SLC66A1: variants seen among roughly 807,000 people sequenced by gnomAD.
The protein encoded by SLC66A1 is solute carrier family 66 member 1.
In SLC66A1, 23 loss-of-function variants were observed where a neutral mutation model predicts 33.0. The observed-to-expected ratio is 0.70, with a 90% CI of 0.50 to 0.99. The LOEUF (loss-of-function observed/expected upper bound fraction) is 0.99. Among genes scored for constraint, SLC66A1 ranks in the 50% least tolerant of loss-of-function variants. SLC66A1 has a pLI of 0.00. For synonymous variants in SLC66A1, 164 were observed against 175.5 expected, an observed-to-expected ratio of 0.93 and a Z score of 0.52; for missense variants, 335 against 383.6, an observed-to-expected ratio of 0.87 and a Z score of 1.06.
Position 19,328,996 on chromosome 1 carries a change from C to G in SLC66A1, c.*353C>G, listed in dbSNP as rs969486186. On this transcript the variant is annotated 3_prime_UTR_variant, in exon 8 of 8. Transcript: ENST00000375153. The surrounding 1 kb of genome is among the most constrained non-coding windows in gnomAD (Gnocchi z 4.7). ...AACAGGCCGGGTACAGTGGCTCGCA[C>G]CTGTAATCCTAGCACTTTGGGAGGC... 2 of 320,252 alleles carry G rather than the reference C, an allele frequency of 6.2e-6. No individual in the cohort carries two copies. Among genetic ancestry groups the G allele is most frequent in the Non-Finnish European group, 1.2e-5 (2 of 171,420 alleles). The allele number at this position is 320,252 out of a possible 1,614,324, so 19.8% of individuals were successfully genotyped here.
In SLC66A1 at chr1:19,312,655, T is replaced by C. The variant is rs1393797224; in HGVS notation, c.-313T>C. On this transcript the variant is annotated 5_prime_UTR_variant, in exon 1 of 8. Coordinates refer to ENST00000375153, the MANE Select transcript of SLC66A1 (RefSeq NM_001040125.2). ...CCTTGGCATCTGATGGCTTCGTTTTTCCCGGGCCGGCCGGGCGAGGGGCCC... is the reference window on the plus strand; with the variant it reads ...CCTTGGCATCTGATGGCTTCGTTTTCCCCGGGCCGGCCGGGCGAGGGGCCC... 6.6e-6 allele frequency: 1 copy of C among 152,624 alleles called. No individual in the cohort carries two copies. The highest frequency in any genetic ancestry group is 2.4e-5 in the African/African-American group (1 of 41,462). 9.5% of individuals were successfully genotyped at this position (152,624 alleles called of 1,614,324 possible). A position where few individuals can be genotyped will look rare whatever the true frequency, so the allele number is the denominator to read the frequency against.
chr1:19,327,325 C>T lies in SLC66A1; in HGVS notation c.717C>T (p.Pro239=), dbSNP rs568274566. 1.1e-5 allele frequency: 17 copies of T among 1,613,304 alleles called. No individual in the cohort carries two copies. The highest frequency in any genetic ancestry group is 1.4e-5 in the Non-Finnish European group (16 of 1,179,662). The stretch of plus-strand genomic sequence containing the variant: ...GGCTGAGCGTGCTGCTCAAAAACCC[C>T]GAGGAGGGCCAGAGCGAGGGCAGCT... ...LYGLSVLLKN[P]EEGQSEGSYL... The change falls in exon 7 of 8, where the codon CCC becomes CCT. Residue 239 remains proline (P), a synonymous_variant. Transcript: ENST00000375153.
At chr1:19,320,622 A>C (rs559426999) in intron 2 of SLC66A1, among the ~76,000 whole-genome samples, 1 of 151,290 alleles carries the variant, frequency 6.6e-6, no homozygotes, top group Non-Finnish European at 1.5e-5. Flanking sequence ...TCACCGTGTT[A>C]GCCAGGATGG....
rs776196898 is a variant in SLC66A1 at position 19,324,734 on chromosome 1, C to G, written c.266C>G (p.Ser89Cys). 1.9e-6 allele frequency: 3 copies of G among 1,614,178 alleles called. No individual in the cohort carries two copies. The highest frequency in any genetic ancestry group is 2.2e-5 in the South Asian group (2 of 91,086). ...IGGDSCNLIG[S>C]FLADQLPLQT... ...GGAGACTCCTGCAACCTCATCGGCT[C>G]CTTCCTTGCTGACCAGCTGCCCCTG... Residue 89 changes from serine to cysteine, a missense_variant, in exon 3 of 8, where the codon TCC becomes TGC. Coordinates refer to ENST00000375153, the MANE Select transcript of SLC66A1 (RefSeq NM_001040125.2).
At chr1:19,317,918 G>A in intron 2 of SLC66A1, 77 bp downstream of exon 2, 2 of 1,551,794 alleles carry the variant, frequency 1.3e-6, no homozygotes, top group Non-Finnish European at 1.7e-6. Flanking sequence ...GCTCAGCGAG[G>A]GGTTGTCTGG....
chr1:19,323,975 G>A (rs2093850275), intron 2 of SLC66A1, among the ~76,000 whole-genome samples: 2 of 152,158 alleles, frequency 1.3e-5, no homozygotes, highest in Admixed American at 1.3e-4. Flanking sequence ...TAGTGCCACC[G>A]CCAGCTTTGG....
chr1:19,315,317 G>A (rs1454073509), intron 1 of SLC66A1, among the ~76,000 whole-genome samples: 11 of 152,202 alleles, frequency 7.2e-5, no homozygotes, highest in African/African-American at 2.4e-4. Context: ...GGTGGGCCAC[G>A]AAGACACAGG....
chr1:19,324,107 G>A (rs761747022), intron 2 of SLC66A1, among the ~76,000 whole-genome samples: 9 of 152,350 alleles, frequency 5.9e-5, no homozygotes, highest in South Asian at 2.1e-4. Flanking sequence ...CCTCAGCCCC[G>A]CCCTTCTCTG....
At chr1:19,320,901 CA>C (rs1226616143) in intron 2 of SLC66A1, among the ~76,000 whole-genome samples, 2 of 149,320 alleles carry the variant, frequency 1.3e-5, no homozygotes, top group African/African-American at 2.6e-5. Context: ...TTAGTAGAGA[CA>C]GGGTTACACC....
chr1:19,329,759 T>A (rs1019496807), downstream of SLC66A1, among the ~76,000 whole-genome samples: 1 of 152,140 alleles, frequency 6.6e-6, no homozygotes, highest in African/African-American at 2.4e-5. Context: ...TTTTGAGGAC[T>A]TTTAGTTGGA....
At chr1:19,331,436 G>A (rs1213972476), downstream of SLC66A1, among the ~76,000 whole-genome samples, 1 of 152,200 alleles carries the variant, frequency 6.6e-6, no homozygotes, top group Non-Finnish European at 1.5e-5. Context: ...CCCACACCTG[G>A]CCAACGCTGG....
downstream of SLC66A1, among the ~76,000 whole-genome samples, chr1:19,333,934 A>AAAACAAAACAAAACG (rs768462126): frequency 1.1e-5 from 1 of 89,176 alleles, no homozygotes; most frequent in Non-Finnish European, 2.5e-5. The surrounding 1 kb of genome is among the most constrained non-coding windows in gnomAD (Gnocchi z 4.2). Context: ...AAAACAAAAC[A>AAAACAAAACAAAACG]AAACACAGGA....
downstream of SLC66A1, among the ~76,000 whole-genome samples, chr1:19,333,161 G>T (rs1022078125): frequency 6.6e-6 from 1 of 152,124 alleles, no homozygotes; most frequent in Admixed American, 6.6e-5. The surrounding 1 kb of genome is among the most constrained non-coding windows in gnomAD (Gnocchi z 4.2). Context: ...TGGACCCCGC[G>T]CCCTCCCTGG....
At chr1:19,320,208 A>G (rs1225197985) in intron 2 of SLC66A1, among the ~76,000 whole-genome samples, 1 of 151,692 alleles carries the variant, frequency 6.6e-6, no homozygotes. Flanking sequence ...ACCTTCAGGT[A>G]TGAGTTTTTG....
At chr1:19,320,453 G>T (rs905136984) in intron 2 of SLC66A1, among the ~76,000 whole-genome samples, 23 of 120,110 alleles carry the variant, frequency 1.9e-4, no homozygotes, top group East Asian at 9.8e-4. Context: ...TCGCTCTGTC[G>T]CCCAGGCTGG....
At position 19,324,657 on chromosome 1, in the gene SLC66A1, G is replaced by A. The variant is rs143757505; in HGVS notation, c.189G>A (p.Thr63=). 39 of 1,614,168 alleles carry A rather than the reference G, an allele frequency of 2.4e-5. No individual in the cohort carries two copies. In the African/African-American group the frequency reaches 4.8e-4, roughly 20 times the overall value. ...GCCAGTTCATCAAAGCCTACAAGAC[G>A]GGCAACATGGACCAGGCGCTGTCCC... ...TFPQFIKAYK[T]GNMDQALSLW... is the part of the protein sequence containing the mutation. The change falls in exon 3 of 8, where the codon ACG becomes ACA. Residue 63 remains threonine (T), a synonymous_variant. Coordinates refer to ENST00000375153, the MANE Select transcript of SLC66A1 (RefSeq NM_001040125.2).
rs960091503 is a variant in SLC66A1 at position 19,328,764 on chromosome 1, C to T, written c.*121C>T. Reference sequence around the variant, plus strand: ...GCCTGCGGGTGGCCTCTGGATCCTCCGTGGACCGAACCGTCCCCCCAGGAA... The same window carrying T: ...GCCTGCGGGTGGCCTCTGGATCCTCTGTGGACCGAACCGTCCCCCCAGGAA... On this transcript the variant is annotated 3_prime_UTR_variant, in exon 8 of 8. Coordinates refer to ENST00000375153, the MANE Select transcript of SLC66A1 (RefSeq NM_001040125.2). This position sits in a 1 kb window ranked among gnomAD's most constrained non-coding sequence, Gnocchi z 4.7. The T allele has an allele frequency of 4.4e-5, 48 of 1,087,330 alleles. No individual in the cohort carries two copies. The East Asian group carries it at 5.4e-4, about 12-fold the overall frequency. 67.4% of individuals were successfully genotyped at this position (1,087,330 alleles called of 1,614,324 possible).
chr1:19,323,542 G>A (rs914732073), intron 2 of SLC66A1, among the ~76,000 whole-genome samples: 1 of 152,142 alleles, frequency 6.6e-6, no homozygotes, highest in African/African-American at 2.4e-5. Flanking sequence ...GAACAGCTGG[G>A]ATTACAGGCG....
At chr1:19,330,321 T>C (rs1264486838), downstream of SLC66A1, among the ~76,000 whole-genome samples, 1 of 151,888 alleles carries the variant, frequency 6.6e-6, no homozygotes, top group Non-Finnish European at 1.5e-5. Flanking sequence ...CGTCCCAGAG[T>C]GGGCCTTGCC....
Sources: gnomAD v4.1 joint callset for allele counts (sites outside exome capture counted in the v4.1 genomes callset) on GRCh38, gnomAD v4.1.1 for gene constraint, Gnocchi (gnomAD v3.1) non-coding constraint, MANE v1.5 for transcripts, NCBI Gene and HGNC (gene_info 2026-07-23, HGNC 2026-07-21) for gene names.